The following RXFP1 variants were observed in gnomAD, a reference collection of about 807,000 sequenced individuals.
RXFP1 encodes the protein relaxin family peptide receptor 1, also known as relaxin receptor 1.
In RXFP1, 73 loss-of-function variants were observed where a neutral mutation model predicts 89.8. That is an observed-to-expected ratio of 0.81 (90% CI 0.67 to 0.99). The LOEUF (loss-of-function observed/expected upper bound fraction) is 0.99. RXFP1 is among the 50% of genes least tolerant of loss of function. RXFP1 has a pLI of 0.00. For synonymous variants in RXFP1, 277 were observed against 305.5 expected, an observed-to-expected ratio of 0.91 and a Z score of 0.97; for missense variants, 793 against 895.5, an observed-to-expected ratio of 0.89 and a Z score of 1.46.
At chr4:158,629,527 G>C (rs1402791136) in intron 11 of RXFP1, among the ~76,000 whole-genome samples, 1 of 152,144 alleles carries the variant, frequency 6.6e-6, no homozygotes, top group Non-Finnish European at 1.5e-5. Context: ...GTACATTGTA[G>C]TTGATTTTCA....
intron 3 of RXFP1, among the ~76,000 whole-genome samples, chr4:158,598,588 C>A (rs901739164): frequency 3.3e-5 from 5 of 152,116 alleles, no homozygotes; most frequent in African/African-American, 1.2e-4. Flanking sequence ...TACATCATTG[C>A]AAATCTCTAA....
chr4:158,616,528 C>A (rs1240930970), intron 8 of RXFP1, among the ~76,000 whole-genome samples: 2 of 148,080 alleles, frequency 1.4e-5, no homozygotes, highest in African/African-American at 5.0e-5. Context: ...TCCTTTCCAC[C>A]ATTTGTTGTT....
intron 2 of RXFP1, among the ~76,000 whole-genome samples, chr4:158,578,642 T>C (rs1199371784): frequency 6.6e-6 from 1 of 152,212 alleles, no homozygotes; most frequent in African/African-American, 2.4e-5. Context: ...TTCTGTGTTA[T>C]AAACAGAAGG....
intron 10 of RXFP1, among the ~76,000 whole-genome samples, chr4:158,627,693 C>G (rs1767182349): frequency 6.6e-6 from 1 of 152,162 alleles, no homozygotes; most frequent in South Asian, 2.1e-4. Flanking sequence ...TTCTCCAATT[C>G]CCCCCATTCC....
chr4:158,586,080 A>G (rs1758256917), intron 2 of RXFP1, among the ~76,000 whole-genome samples: 1 of 152,244 alleles, frequency 6.6e-6, no homozygotes, highest in Non-Finnish European at 1.5e-5. Context: ...TATGAAAAAT[A>G]TAGATTTCCC....
chr4:158,607,116 A>T (rs1561114050), intron 5 of RXFP1: 10 of 1,535,870 alleles, frequency 6.5e-6, no homozygotes, highest in Non-Finnish European at 8.7e-6. Context: ...TTACTTTATC[A>T]TTCCCGCAAT....
Position 158,599,399 on chromosome 4 carries a change from T to A in RXFP1, c.360T>A (p.Ala120=). The A allele has an allele frequency of 3.1e-6, 5 of 1,613,748 alleles. No individual in the cohort carries two copies. The highest frequency in any genetic ancestry group is 4.2e-6 in the Non-Finnish European group (5 of 1,179,764). ...ACTGTGATGAAACCAATTTACGAGC[T>A]GTTCCATCGGTTTCTTCAAATGTGA... ...ELDCDETNLR[A]VPSVSSNVTA... Residue 120 remains alanine, a synonymous_variant, in exon 4 of 18, where the codon GCT becomes GCA. Transcript: ENST00000307765.
chr4:158,551,627 A>G (rs1342014272), intron 1 of RXFP1, among the ~76,000 whole-genome samples: 1 of 152,182 alleles, frequency 6.6e-6, no homozygotes, highest in Admixed American at 6.5e-5. Context: ...TACAACTTTT[A>G]TTTCTCAATT....
intron 9 of RXFP1, among the ~76,000 whole-genome samples, chr4:158,625,352 T>C (rs983115703): frequency 2.0e-5 from 3 of 150,820 alleles, no homozygotes; most frequent in Non-Finnish European, 4.4e-5. Context: ...ATATGATACA[T>C]TGTCTGTGCT....
At chr4:158,594,144 T>C (rs1760070965) in intron 3 of RXFP1, among the ~76,000 whole-genome samples, 2 of 152,204 alleles carry the variant, frequency 1.3e-5, no homozygotes, top group South Asian at 4.1e-4. Flanking sequence ...TTCAAAACCT[T>C]GGTTTAAAAG....
intron 11 of RXFP1, among the ~76,000 whole-genome samples, chr4:158,629,902 G>C (rs1177375148): frequency 6.6e-6 from 1 of 152,098 alleles, no homozygotes; most frequent in South Asian, 2.1e-4. Flanking sequence ...TGGTATTACA[G>C]ACTTGAGCCA....
At chr4:158,562,307 G>A (rs1389883894) in intron 1 of RXFP1, among the ~76,000 whole-genome samples, 4 of 151,478 alleles carry the variant, frequency 2.6e-5, no homozygotes, top group East Asian at 3.9e-4. Context: ...GGCGGATCAC[G>A]AGGTCAGGAG....
At chr4:158,623,177 A>T (rs1475679306) in intron 9 of RXFP1, among the ~76,000 whole-genome samples, 1 of 152,074 alleles carries the variant, frequency 6.6e-6, no homozygotes, top group Non-Finnish European at 1.5e-5. Flanking sequence ...ACAAAAGAAA[A>T]TGTAGACATA....
rs150770968 is a variant in RXFP1, at chr4:158,587,019, T to G, written c.188-6382T>G. Among the ~76,000 whole-genome samples the G allele has an allele frequency of 3.2e-4, 49 of 152,310 alleles. 1 individual carries two copies. The East Asian group carries it at 8.9e-3, about 28-fold the overall frequency. ...ATGGCAGTCACCCAGCCACCTCTCA[T>G]GAATTTCCTAGCAGCAGTGAAACAT... On this transcript the variant is annotated intron_variant, in intron 2 of 17. Coordinates refer to ENST00000307765, the MANE Select transcript of RXFP1 (RefSeq NM_021634.4).
chr4:158,573,651 G>T (rs569071299), intron 2 of RXFP1, among the ~76,000 whole-genome samples: 13 of 152,304 alleles, frequency 8.5e-5, no homozygotes, highest in African/African-American at 2.6e-4. Flanking sequence ...GTTAGAGGCA[G>T]AATACGGTTG....
At chr4:158,576,008 A>G (rs1756116085) in intron 2 of RXFP1, among the ~76,000 whole-genome samples, 1 of 152,210 alleles carries the variant, frequency 6.6e-6, no homozygotes, top group East Asian at 1.9e-4. Flanking sequence ...CAGCTATGCC[A>G]TGATGCCTGG....
intron 11 of RXFP1, among the ~76,000 whole-genome samples, chr4:158,630,797 G>A (rs1767885625): frequency 6.6e-6 from 1 of 152,182 alleles, no homozygotes; most frequent in African/African-American, 2.4e-5. Context: ...TTCATTGGAT[G>A]AGTCTATATC....
At chr4:158,602,722 A>G (rs1761914598) in intron 4 of RXFP1, among the ~76,000 whole-genome samples, 2 of 152,204 alleles carry the variant, frequency 1.3e-5, no homozygotes, top group African/African-American at 4.8e-5. Flanking sequence ...GCAGGCATTC[A>G]ACACATTTTT....
chr4:158,638,811 CAA>C (rs57989269), intron 13 of RXFP1, among the ~76,000 whole-genome samples: 14 of 128,032 alleles, frequency 1.1e-4, no homozygotes, highest in Non-Finnish European at 1.1e-4. Flanking sequence ...GACCCTGTCT[CAA>C]AAAAAAAAAA....
Sources: gnomAD v4.1 joint callset for allele counts (sites outside exome capture counted in the v4.1 genomes callset) on GRCh38, gnomAD v4.1.1 for gene constraint, MANE v1.5 for transcripts, NCBI Gene and HGNC (gene_info 2026-07-23, HGNC 2026-07-21) for gene names.